Variants in UNC5C observed in about 807,000 individuals in gnomAD.
UNC5C encodes the protein netrin receptor UNC5C.
A neutral mutation model predicts 99.8 loss-of-function variants in UNC5C; 47 were observed. The observed-to-expected ratio is 0.47, with a 90% CI of 0.37 to 0.60. UNC5C has a LOEUF of 0.60. UNC5C is among the 20% of genes least tolerant of loss of function. UNC5C has a pLI of 0.00. For missense variants in UNC5C, 1,062 were observed against 1,165.9 expected (o/e 0.91, Z 1.30); for synonymous variants, 487 against 452.2 (o/e 1.08, Z -0.98).
intron 1 of UNC5C, among the ~76,000 whole-genome samples, chr4:95,542,105 A>G (rs569927888): frequency 8.5e-5 from 13 of 152,250 alleles, no homozygotes; most frequent in South Asian, 8.3e-4. Context: ...CTATCCTCAC[A>G]ACATTTTAAA....
At position 95,363,336 on chromosome 4, in the gene UNC5C, C is replaced by T. The variant is rs116847018; in HGVS notation, c.125-27705G>A. ...AATCAAGAGTCTGCAAACAAAATGT[C>T]GCATCCCAGGATTACAGAGGTCTTC... is the stretch of plus-strand genomic sequence containing the variant. On this transcript the variant is annotated intron_variant, in intron 1 of 15. Transcript: ENST00000453304. Among the ~76,000 whole-genome samples the T allele has an allele frequency of 3.2e-4, 48 of 152,168 alleles. No individual in the cohort carries two copies. In the East Asian group the frequency reaches 8.9e-3, roughly 28 times the overall value.
chr4:95,380,738 G>C (rs1329157348), intron 1 of UNC5C, among the ~76,000 whole-genome samples: 1 of 152,016 alleles, frequency 6.6e-6, no homozygotes, highest in African/African-American at 2.4e-5. Context: ...CAAACGTGCT[G>C]GACTAAAACC....
chr4:95,188,054 A>C (rs1736905781), intron 12 of UNC5C, among the ~76,000 whole-genome samples: 1 of 152,228 alleles, frequency 6.6e-6, no homozygotes, highest in South Asian at 2.1e-4. Flanking sequence ...ATATACATAA[A>C]ATTTAAAAAT....
At chr4:95,211,914 C>T (rs146165885) in intron 10 of UNC5C, among the ~76,000 whole-genome samples, 14 of 152,318 alleles carry the variant, frequency 9.2e-5, no homozygotes, top group Middle Eastern at 3.4e-3. Context: ...GACTCACTAA[C>T]TCCCACTGTT....
intron 1 of UNC5C, among the ~76,000 whole-genome samples, chr4:95,542,690 G>T (rs2149496643): frequency 6.6e-6 from 1 of 152,148 alleles, no homozygotes; most frequent in South Asian, 2.1e-4. Flanking sequence ...TGAAATTTCA[G>T]CTCAATATTT....
intron 1 of UNC5C, among the ~76,000 whole-genome samples, chr4:95,488,195 T>C (rs981961350): frequency 1.1e-4 from 17 of 151,864 alleles, no homozygotes; most frequent in Non-Finnish European, 2.1e-4. Flanking sequence ...ATACTGATAT[T>C]AAGGTTATTT....
At chr4:95,230,549 T>G (rs1738875061) in intron 7 of UNC5C, among the ~76,000 whole-genome samples, 1 of 152,154 alleles carries the variant, frequency 6.6e-6, no homozygotes, top group Non-Finnish European at 1.5e-5. Flanking sequence ...TTGCCTAGGT[T>G]TTCTTCTAGG....
At chr4:95,201,072 C>T (rs1252523870) in intron 12 of UNC5C, among the ~76,000 whole-genome samples, 2 of 152,168 alleles carry the variant, frequency 1.3e-5, no homozygotes, top group African/African-American at 2.4e-5. Context: ...AGAGCCCACC[C>T]ATGCTGGCAT....
intron 2 of UNC5C, among the ~76,000 whole-genome samples, chr4:95,303,349 G>A (rs887138888): frequency 6.6e-6 from 1 of 152,214 alleles, no homozygotes; most frequent in Non-Finnish European, 1.5e-5. Context: ...TGCATGCTGA[G>A]TTTCAGAACT....
At chr4:95,492,534 C>A (rs574787238) in intron 1 of UNC5C, among the ~76,000 whole-genome samples, 13 of 151,338 alleles carry the variant, frequency 8.6e-5, no homozygotes, top group African/African-American at 3.1e-4. Flanking sequence ...AAAGGTTTAT[C>A]TTTATGTTAC....
chr4:95,324,081 A>C (rs947802280), intron 2 of UNC5C, among the ~76,000 whole-genome samples: 3 of 152,036 alleles, frequency 2.0e-5, no homozygotes, highest in Non-Finnish European at 4.4e-5. Context: ...CCCACTACAG[A>C]CCTTTCCTAA....
At chr4:95,459,741 A>C (rs1030077368) in intron 1 of UNC5C, among the ~76,000 whole-genome samples, 1 of 152,162 alleles carries the variant, frequency 6.6e-6, no homozygotes, top group African/African-American at 2.4e-5. Flanking sequence ...TGTCATTCTA[A>C]AGGTGGTTCA....
At chr4:95,275,690 G>GA (rs1297940416) in intron 4 of UNC5C, among the ~76,000 whole-genome samples, 2 of 152,168 alleles carry the variant, frequency 1.3e-5, no homozygotes, top group African/African-American at 4.8e-5. Flanking sequence ...TAGAGTTCTT[G>GA]AAAAACTTAT....
chr4:95,184,039 C>T (rs911514256), intron 13 of UNC5C, among the ~76,000 whole-genome samples: 1 of 152,048 alleles, frequency 6.6e-6, no homozygotes, highest in Non-Finnish European at 1.5e-5. Context: ...AGAAATTACT[C>T]CTAAAACAGG....
intron 9 of UNC5C, among the ~76,000 whole-genome samples, chr4:95,218,238 T>C (rs1294977243): frequency 6.6e-6 from 1 of 152,210 alleles, no homozygotes; most frequent in Non-Finnish European, 1.5e-5. Context: ...TTATGACCCA[T>C]GGTTCCAAGC....
In UNC5C at chr4:95,341,340, C is replaced by T. The variant is rs371529842; in HGVS notation, c.125-5709G>A. Among the ~76,000 whole-genome samples the T allele has an allele frequency of 1.7e-4, 26 of 152,124 alleles. No homozygotes were observed. The South Asian group carries it at 4.6e-3, about 27-fold the overall frequency. ...TTTCTGAAACATCCAAGCAAAAGTA[C>T]ACTGGCTGGCCAATAGAAATAAGAA... On this transcript the variant is annotated intron_variant, in intron 1 of 15. Transcript: ENST00000453304.
intron 2 of UNC5C, among the ~76,000 whole-genome samples, chr4:95,316,902 G>A (rs1333210738): frequency 6.6e-6 from 1 of 150,682 alleles, no homozygotes; most frequent in Non-Finnish European, 1.5e-5. Context: ...AGAGGGATCT[G>A]AGGTCCTAAA....
intron 10 of UNC5C, among the ~76,000 whole-genome samples, chr4:95,207,606 C>T (rs1378006601): frequency 6.6e-6 from 1 of 152,160 alleles, no homozygotes; most frequent in Admixed American, 6.5e-5. Flanking sequence ...CTAGTTAGTG[C>T]TGAGATGAAA....
chr4:95,455,261 T>C (rs143642725), intron 1 of UNC5C, among the ~76,000 whole-genome samples: 5 of 152,236 alleles, frequency 3.3e-5, no homozygotes, highest in Admixed American at 6.5e-5. Context: ...TTCTTTCCCA[T>C]TGGCAAAGTG....
Sources: gnomAD v4.1 joint callset for allele counts (sites outside exome capture counted in the v4.1 genomes callset) on GRCh38, gnomAD v4.1.1 for gene constraint, MANE v1.5 for transcripts, NCBI Gene and HGNC (gene_info 2026-07-23, HGNC 2026-07-21) for gene names.